The following NETO1 variants were observed in gnomAD, a reference collection of about 807,000 sequenced individuals.
NETO1 encodes neuropilin and tolloid like 1.
A neutral mutation model predicts 61.3 loss-of-function variants in NETO1; 26 were observed. The observed-to-expected ratio is 0.42, with a 90% CI of 0.31 to 0.59. NETO1 has a LOEUF of 0.59. NETO1 is among the 20% of genes least tolerant of loss of function. The pLI is 0.12. For synonymous variants in NETO1, 225 were observed against 225.8 expected, an observed-to-expected ratio of 1.00 and a Z score of 0.03; for missense variants, 531 against 662.8, an observed-to-expected ratio of 0.80 and a Z score of 2.18.
At chr18:72,766,219 T>A (rs1052367081) in intron 7 of NETO1, among the ~76,000 whole-genome samples, 1 of 66,194 alleles carries the variant, frequency 1.5e-5, no homozygotes. Flanking sequence ...AAAAAAAAAA[T>A]ATGTGTGTGT....
chr18:72,762,683 GT>G (rs930746714), intron 7 of NETO1, among the ~76,000 whole-genome samples: 1 of 152,108 alleles, frequency 6.6e-6, no homozygotes, highest in African/African-American at 2.4e-5. Context: ...CTTGAATTCT[GT>G]TTTTAAACCC....
chr18:72,841,416 A>G (rs1407384831), intron 4 of NETO1, among the ~76,000 whole-genome samples: 1 of 11,144 alleles, frequency 9.0e-5, no homozygotes, highest in East Asian at 1.1e-3. Context: ...ATAACGAGCA[A>G]TTGGCAGAGA....
intron 4 of NETO1, among the ~76,000 whole-genome samples, chr18:72,857,881 C>A (rs965338187): frequency 1.3e-5 from 2 of 152,068 alleles, no homozygotes; most frequent in Non-Finnish European, 2.9e-5. Flanking sequence ...TGAAAGTCAT[C>A]ATTAAACTTA....
At chr18:72,757,409 AC>A (rs1819450535) in intron 7 of NETO1, among the ~76,000 whole-genome samples, 1 of 151,394 alleles carries the variant, frequency 6.6e-6, no homozygotes, top group Non-Finnish European at 1.5e-5. Context: ...TTAAAAAAAA[AC>A]ACTCAAATTC....
At chr18:72,762,205 G>A (rs1281995463) in intron 7 of NETO1, among the ~76,000 whole-genome samples, 3 of 151,010 alleles carry the variant, frequency 2.0e-5, no homozygotes, top group Non-Finnish European at 4.4e-5. Context: ...TTGTTGCCCA[G>A]GCTGGAGTGC....
chr18:72,771,698 G>A (rs181675527), intron 7 of NETO1, among the ~76,000 whole-genome samples: 211 of 152,088 alleles, frequency 1.4e-3, no homozygotes, highest in African/African-American at 4.6e-3. Flanking sequence ...CTGAACTACC[G>A]AAAGTAGGAC....
intron 1 of NETO1, chr18:72,866,904 TGGCCCC>T: frequency 7.2e-6 from 4 of 556,896 alleles, no homozygotes; most frequent in Non-Finnish European, 9.8e-6. Context: ...AAGACTCCTC[TGGCCCC>T]ACTAGGTATC....
intron 7 of NETO1, among the ~76,000 whole-genome samples, chr18:72,773,701 G>T (rs1599142791): frequency 6.6e-6 from 1 of 152,032 alleles, no homozygotes; most frequent in East Asian, 1.9e-4. Context: ...CTGTGAAGAG[G>T]TGCCTTCCGC....
At chr18:72,805,902 C>T (rs1211486380) in intron 4 of NETO1, among the ~76,000 whole-genome samples, 1 of 152,022 alleles carries the variant, frequency 6.6e-6, no homozygotes, top group Non-Finnish European at 1.5e-5. Context: ...GTTAAAAACA[C>T]AAATATGTTC....
At chr18:72,807,109 G>C (rs534181886) in intron 4 of NETO1, among the ~76,000 whole-genome samples, 1 of 152,064 alleles carries the variant, frequency 6.6e-6, no homozygotes, top group African/African-American at 2.4e-5. Context: ...TAATTCACTC[G>C]TCTAGAAGCA....
At chr18:72,858,228 G>T (rs562603206) in intron 4 of NETO1, among the ~76,000 whole-genome samples, 30 of 152,196 alleles carry the variant, frequency 2.0e-4, no homozygotes, top group Non-Finnish European at 3.8e-4. Context: ...CGAGTTAAAA[G>T]GAAAATTGAT....
In NETO1 at chr18:72,800,157, G is replaced by A. The variant is rs370264918; in HGVS notation, c.470-5753C>T. On this transcript the variant is annotated intron_variant, in intron 4 of 10. Transcript: ENST00000327305. ...TTACTTCCTAACCAAAGAAGGCCCC[G>A]GAACTGGGAAGGAATGGATCTGTGA... Among the ~76,000 whole-genome samples, 10 of 152,316 alleles carry A rather than the reference G, an allele frequency of 6.6e-5. No individual in the cohort carries two copies. In the East Asian group the frequency reaches 9.6e-4, roughly 15 times the overall value.
intron 7 of NETO1, among the ~76,000 whole-genome samples, chr18:72,777,032 G>A (rs1009901555): frequency 4.6e-5 from 7 of 152,120 alleles, no homozygotes; most frequent in Non-Finnish European, 8.8e-5. Flanking sequence ...ATAAACGATG[G>A]GACAGGCATA....
chr18:72,756,797 A>C (rs907581720), intron 7 of NETO1, among the ~76,000 whole-genome samples: 1 of 152,134 alleles, frequency 6.6e-6, no homozygotes, highest in Admixed American at 6.5e-5. Flanking sequence ...TCCAGATTAC[A>C]ATGCACATTG....
intron 4 of NETO1, among the ~76,000 whole-genome samples, chr18:72,827,829 A>G (rs1474514197): frequency 5.9e-5 from 9 of 152,146 alleles, no homozygotes; most frequent in African/African-American, 1.9e-4. Flanking sequence ...CTACAGCAAT[A>G]CTTCTGTGAG....
chr18:72,787,105 A>G (rs547154732), intron 6 of NETO1, among the ~76,000 whole-genome samples: 1 of 149,244 alleles, frequency 6.7e-6, no homozygotes, highest in South Asian at 2.2e-4. Context: ...GACTAAAAGT[A>G]AACAAACTGA....
At chr18:72,839,667 A>G (rs1386564493) in intron 4 of NETO1, among the ~76,000 whole-genome samples, 2 of 152,170 alleles carry the variant, frequency 1.3e-5, no homozygotes, top group Non-Finnish European at 2.9e-5. Context: ...TTGTCACATG[A>G]AAGGTGCAGA....
intron 4 of NETO1, among the ~76,000 whole-genome samples, chr18:72,826,855 C>G (rs999411863): frequency 1.1e-4 from 16 of 152,150 alleles, no homozygotes; most frequent in Non-Finnish European, 1.9e-4. Context: ...GCCTCCGATC[C>G]TAGGCTTTTA....
chr18:72,828,461 G>A (rs1217170442), intron 4 of NETO1, among the ~76,000 whole-genome samples: 1 of 152,052 alleles, frequency 6.6e-6, no homozygotes, highest in Non-Finnish European at 1.5e-5. Context: ...GTTTTAAAAG[G>A]AAACATTTGC....
Sources: gnomAD v4.1 joint callset for allele counts (sites outside exome capture counted in the v4.1 genomes callset) on GRCh38, gnomAD v4.1.1 for gene constraint, MANE v1.5 for transcripts, NCBI Gene and HGNC (gene_info 2026-07-23, HGNC 2026-07-21) for gene names.